Variants in UPP2 observed in about 807,000 individuals in gnomAD.
UPP2 encodes the protein uridine phosphorylase 2.
In UPP2, 23 loss-of-function variants were observed where a neutral mutation model predicts 26.7. That is an observed-to-expected ratio of 0.86 (90% CI 0.62 to 1.22). The LOEUF is 1.22. UPP2 is among the 50% of genes most tolerant of loss of function. The probability of loss-of-function intolerance (pLI) is 0.00; values close to 1 mark genes in which losing one functional copy is unlikely to be tolerated. For missense variants in UPP2, 387 were observed against 396.7 expected (o/e 0.98, Z 0.21); for synonymous variants, 127 against 141.3 (o/e 0.90, Z 0.72).
chr2:158,033,000 G>A (rs139915019), intron 3 of UPP2, among the ~76,000 whole-genome samples: 1 of 152,206 alleles, frequency 6.6e-6, no homozygotes, highest in East Asian at 1.9e-4. Context: ...GTATTTACCA[G>A]TATTGGCCTA....
chr2:158,077,946 G>A (rs1243571989), intron 3 of UPP2, among the ~76,000 whole-genome samples: 5 of 151,892 alleles, frequency 3.3e-5, no homozygotes, highest in African/African-American at 1.2e-4. Flanking sequence ...AAGAAATCTA[G>A]TATTCCAATG....
chr2:158,126,427 G>T (rs954410070), intron 6 of UPP2: 1 of 152,168 alleles, frequency 6.6e-6, no homozygotes, highest in Non-Finnish European at 1.5e-5. Context: ...TAGTTCTTGG[G>T]AGTATTTCTA....
At chr2:158,002,189 AG>A (rs948622988) in intron 2 of UPP2, among the ~76,000 whole-genome samples, 15 of 152,176 alleles carry the variant, frequency 9.9e-5, no homozygotes, top group African/African-American at 3.1e-4. Flanking sequence ...AGGTAAAAAC[AG>A]GTTGTTAGGA....
At chr2:158,104,017 T>C (rs1364288645) in intron 1 of UPP2, among the ~76,000 whole-genome samples, 2 of 152,230 alleles carry the variant, frequency 1.3e-5, no homozygotes, top group African/African-American at 2.4e-5. Flanking sequence ...CTAGATGTTT[T>C]TGAGAAGGAA....
intron 3 of UPP2, among the ~76,000 whole-genome samples, chr2:158,092,997 T>C (rs1018299137): frequency 6.6e-6 from 1 of 152,138 alleles, no homozygotes. Context: ...CTCGGCTCAC[T>C]GCAACCTCCG....
intron 5 of UPP2, among the ~76,000 whole-genome samples, chr2:158,122,083 TCA>T (rs1683582098): frequency 6.6e-6 from 1 of 151,864 alleles, no homozygotes; most frequent in Admixed American, 6.6e-5. Flanking sequence ...TTTTTATCTC[TCA>T]GCCATGAGTA....
intron 3 of UPP2, among the ~76,000 whole-genome samples, chr2:158,082,112 G>A (rs912982959): frequency 7.9e-5 from 12 of 151,906 alleles, no homozygotes; most frequent in East Asian, 1.9e-4. Flanking sequence ...TACCATGCCC[G>A]GGTAATTTTT....
chr2:158,095,710 G>A (rs545218825), intron 3 of UPP2, among the ~76,000 whole-genome samples: 8 of 152,142 alleles, frequency 5.3e-5, no homozygotes, highest in South Asian at 2.1e-4. Context: ...AATGAGATAC[G>A]GAGTCGAACT....
At chr2:158,016,283 T>C (rs1333155106) in intron 3 of UPP2, among the ~76,000 whole-genome samples, 2 of 152,154 alleles carry the variant, frequency 1.3e-5, no homozygotes. Flanking sequence ...CATAAAGGGC[T>C]CACCTTTCAT....
At position 158,102,139 on chromosome 2, in the gene UPP2, A is replaced by G. The variant is rs765267307; in HGVS notation, c.62+14A>G. 1 of 1,609,534 alleles carries G rather than the reference A, an allele frequency of 6.2e-7. No homozygotes were observed. Among genetic ancestry groups the G allele is most frequent in the Admixed American group, 1.7e-5 (1 of 59,448 alleles). ...TACATATGTTGGGTGAGTAATTTTG[A>G]TTTTGTAAATTTGTTTTGATCAGAT... On this transcript the variant is annotated intron_variant, in intron 1 of 6. Coordinates refer to ENST00000005756, the MANE Select transcript of UPP2 (RefSeq NM_173355.4).
chr2:158,073,601 G>T (rs1244984727), intron 3 of UPP2, among the ~76,000 whole-genome samples: 1 of 152,076 alleles, frequency 6.6e-6, no homozygotes, highest in Non-Finnish European at 1.5e-5. Flanking sequence ...CAAGAGAAAA[G>T]AAACAACATA....
At chr2:158,046,429 C>T (rs2105167769) in intron 3 of UPP2, among the ~76,000 whole-genome samples, 1 of 152,250 alleles carries the variant, frequency 6.6e-6, no homozygotes, top group East Asian at 1.9e-4. Context: ...TTCAAGGACT[C>T]CCCCAGCCAG....
At chr2:158,128,945 G>T (rs1292273891) in intron 6 of UPP2, among the ~76,000 whole-genome samples, 2 of 152,154 alleles carry the variant, frequency 1.3e-5, no homozygotes, top group East Asian at 3.9e-4. Context: ...CATTGTAGCT[G>T]GAAAATCAGG....
At chr2:158,032,882 A>G (rs1296954738) in intron 3 of UPP2, among the ~76,000 whole-genome samples, 1 of 152,138 alleles carries the variant, frequency 6.6e-6, no homozygotes, top group Non-Finnish European at 1.5e-5. Flanking sequence ...AGAGAGGCCA[A>G]ATGTTAAGGT....
In UPP2 at chr2:158,058,292, CAAAAAAAAAAAAAAAAAAAAAAAA is replaced by C. The variant is rs57994785; in HGVS notation, c.147+42415_147+42438del. On this transcript the variant is annotated intron_variant, in intron 3 of 9. Transcript: ENST00000605860. ...TGGGCGACAGAGCGAGACTCCGTCTCAAAAAAAAAAAAAAAAAAAAAAAAAAAAAAAAGAAGAAGAAGAAGAAGA... is the reference window on the plus strand; with the variant it reads ...TGGGCGACAGAGCGAGACTCCGTCTCAAAAAAAAGAAGAAGAAGAAGAAGA... Among the ~76,000 whole-genome samples the C allele has an allele frequency of 3.6e-4, 14 of 38,806 alleles. 2 individuals are homozygous for C. The highest frequency in any genetic ancestry group is 5.4e-4 in the African/African-American group (6 of 11,184). The allele number at this position is 38,806 out of a possible 152,430, so 25.5% of individuals were successfully genotyped here.
At chr2:158,074,688 C>CAA (rs1198210406) in intron 3 of UPP2, among the ~76,000 whole-genome samples, 16 of 132,168 alleles carry the variant, frequency 1.2e-4, no homozygotes, top group Admixed American at 1.1e-3. Context: ...AGAAGACCTT[C>CAA]ATACACACAC....
At chr2:158,085,683 C>T (rs924616745) in intron 3 of UPP2, among the ~76,000 whole-genome samples, 5 of 152,056 alleles carry the variant, frequency 3.3e-5, no homozygotes, top group African/African-American at 1.2e-4. Context: ...CCCTTGTATG[C>T]TGATTTTGCT....
intron 1 of UPP2, 27 bp from the exon 2 acceptor site, chr2:158,106,072 T>G (rs1008564140): frequency 2.7e-6 from 4 of 1,508,502 alleles, no homozygotes; most frequent in Non-Finnish European, 3.6e-6. Flanking sequence ...TTCTTTTATA[T>G]CTTCTTTGTA....
At chr2:158,112,694 C>T (rs1276679888) in intron 2 of UPP2, among the ~76,000 whole-genome samples, 1 of 152,054 alleles carries the variant, frequency 6.6e-6, no homozygotes, top group Non-Finnish European at 1.5e-5. Context: ...TAATCTCTCA[C>T]TAGAAATTTT....
Sources: allele counts gnomAD v4.1 joint callset (sites outside exome capture counted in the v4.1 genomes callset), GRCh38; gene constraint gnomAD v4.1.1; transcripts MANE v1.5; gene names NCBI Gene and HGNC (gene_info 2026-07-23, HGNC 2026-07-21).